The following ZNF527 variants were observed in gnomAD, a reference collection of about 807,000 sequenced individuals.
ZNF527 encodes the protein zinc finger protein 527.
A neutral mutation model predicts 13.5 loss-of-function variants in ZNF527; 5 were observed. The ratio of observed to expected loss-of-function variants is 0.37; its 90% CI spans 0.19 to 0.78. The LOEUF (loss-of-function observed/expected upper bound fraction) is 0.78, where lower values mean the gene tolerates loss of function less well. Ranked by LOEUF, ZNF527 falls within the 30% of genes least tolerant of loss-of-function variation. The pLI is 0.48. For synonymous variants in ZNF527, 209 were observed against 243.1 expected, an observed-to-expected ratio of 0.86 and a Z score of 1.30; for missense variants, 628 against 726.4, an observed-to-expected ratio of 0.86 and a Z score of 1.56.
At chr19:37,379,488 G>A (rs990013614) in intron 3 of ZNF527, 10 of 228,886 alleles carry the variant, frequency 4.4e-5, no homozygotes, top group Non-Finnish European at 7.0e-5. Flanking sequence ...TTGAGACAGA[G>A]TCTTGCTCTT....
intron 4 of ZNF527, among the ~76,000 whole-genome samples, chr19:37,383,599 C>T (rs1038376571): frequency 5.4e-5 from 8 of 149,382 alleles, no homozygotes; most frequent in African/African-American, 5.0e-5. Context: ...AGTGCAGTGG[C>T]GCAATCTTGG....
chr19:37,379,059 T>C (rs1170653519), intron 2 of ZNF527, 61 bp from the exon 3 acceptor site: 2 of 1,601,194 alleles, frequency 1.2e-6, no homozygotes, highest in East Asian at 2.2e-5. Context: ...CAAATTCATC[T>C]TTTTTGCTAG....
chr19:37,389,603 A>C lies in ZNF527; in HGVS notation c.1554A>C (p.Arg518Ser). ...SDALVLIHHK[R>S]SHAGEKPYEC... ...CTTTAGTTCTAATTCACCATAAGAG[A>C]AGTCATGCAGGAGAGAAACCCTATG... Residue 518 changes from arginine (R) to serine (S), a missense_variant, in exon 5 of 5, where the codon AGA (arginine) becomes AGC (serine). By Grantham distance (110) the Arg-to-Ser change is moderately radical (BLOSUM62 -1). Coordinates refer to ENST00000436120, the MANE Select transcript of ZNF527 (RefSeq NM_032453.2). 6.2e-7 allele frequency: 1 copy of C among 1,614,080 alleles called. No homozygotes were observed. Among genetic ancestry groups the C allele is most frequent in the Non-Finnish European group, 8.5e-7 (1 of 1,180,026 alleles).
At position 37,389,794 on chromosome 19, in the gene ZNF527, A is replaced by G. The variant is rs2040737098; in HGVS notation, c.1745A>G (p.Tyr582Cys). Reference protein sequence around the residue: ...HQRIHAGEKPYKCNECGNNFS... With the variant: ...HQRIHAGEKPCKCNECGNNFS... ...AGAATTCACGCTGGAGAAAAACCTT[A>G]TAAATGTAACGAATGTGGGAATAAT... The change falls in exon 5 of 5, where the codon TAT becomes TGT. Residue 582 changes from tyrosine (Y) to cysteine (C), a missense_variant. This residue lies in a region of ZNF527 where 592 missense variants were observed against 678.0 expected (regional missense o/e 0.87). Transcript: ENST00000436120. 6.2e-7 allele frequency: 1 copy of G among 1,613,374 alleles called. No homozygotes were observed. Among genetic ancestry groups the G allele is most frequent in the Non-Finnish European group, 8.5e-7 (1 of 1,180,004 alleles).
In ZNF527 at chr19:37,390,519, A is replaced by G. The variant is rs1329572893; in HGVS notation, c.*640A>G. On this transcript the variant is annotated 3_prime_UTR_variant, in exon 5 of 5. Coordinates refer to ENST00000436120, the MANE Select transcript of ZNF527 (RefSeq NM_032453.2). Reference sequence around the variant, plus strand: ...AATGAAGTCCTTTGCGGGTATTCCTATGGGCAGTAAGAGAGGTTTTATTCT... The same window carrying G: ...AATGAAGTCCTTTGCGGGTATTCCTGTGGGCAGTAAGAGAGGTTTTATTCT... 6.6e-6 allele frequency: 1 copy of G among 152,204 alleles called. No homozygotes were observed. Among genetic ancestry groups the G allele is most frequent in the African/African-American group, 2.4e-5 (1 of 41,452 alleles). 9.4% of individuals were successfully genotyped at this position (152,204 alleles called of 1,614,324 possible). A position where few individuals can be genotyped will look rare whatever the true frequency, so the allele number is the denominator to read the frequency against.
Position 37,389,712 on chromosome 19 carries a change from G to A in ZNF527, c.1663G>A (p.Glu555Lys), listed in dbSNP as rs756114926. The A allele has an allele frequency of 3.0e-5, 48 of 1,613,686 alleles. No individual in the cohort carries two copies. The highest frequency in any genetic ancestry group is 1.6e-4 in the Middle Eastern group (1 of 6,084). ...QRIHTGEKPY[E>K]CSECGKAFHQ... ...AATTCATACTGGAGAGAAACCCTAT[G>A]AATGTAGTGAATGTGGGAAGGCTTT... The change falls in exon 5 of 5, where the codon GAA becomes AAA. Residue 555 changes from glutamate to lysine, a missense_variant. Coordinates refer to ENST00000436120, the MANE Select transcript of ZNF527 (RefSeq NM_032453.2).
Position 37,388,607 on chromosome 19 carries a change from CA to C in ZNF527, c.559del (p.Ile187TyrfsTer20). The C allele has an allele frequency of 6.2e-7, 1 of 1,614,028 alleles. No individual in the cohort carries two copies. The highest frequency in any genetic ancestry group is 8.5e-7 in the Non-Finnish European group (1 of 1,179,948). ...VFLTQQKVPT[I>X]QQVHKFDIYD... ...TTTTAACACAACAGAAAGTTCCTAC[CA>C]TACAGCAAGTACATAAATTTGATAT... On this transcript the variant is annotated frameshift_variant, in exon 5 of 5. Transcript: ENST00000436120. LOFTEE classifies it low-confidence loss of function (END_TRUNC).
At chr19:37,382,863 C>G (rs575795631) in intron 4 of ZNF527, among the ~76,000 whole-genome samples, 1 of 152,098 alleles carries the variant, frequency 6.6e-6, no homozygotes, top group Non-Finnish European at 1.5e-5. Context: ...CATGCCACCA[C>G]GCCTGGCTAA....
intron 2 of ZNF527, among the ~76,000 whole-genome samples, chr19:37,376,982 T>C (rs1228126415): frequency 2.0e-5 from 3 of 152,228 alleles, no homozygotes; most frequent in Non-Finnish European, 4.4e-5. Flanking sequence ...TTGTGACTAC[T>C]GGAAAATTTC....
In ZNF527 at chr19:37,379,460, C is replaced by CTTT. The variant is rs34967980; in HGVS notation, c.160+231_160+233dup. The CTTT allele has an allele frequency of 1.8e-3, 294 of 161,034 alleles. 3 individuals are homozygous for CTTT. Among genetic ancestry groups the CTTT allele is most frequent in the Middle Eastern group, 5.1e-3 (2 of 390 alleles). 10.0% of individuals were successfully genotyped at this position (161,034 alleles called of 1,614,324 possible). The stretch of plus-strand genomic sequence containing the variant: ...ACATTCTGAACACATGAAGTAATTT[C>CTTT]TTTTTTTTTTTTTTTTTTTGAGACA... On this transcript the variant is annotated intron_variant, in intron 3 of 4. Coordinates refer to ENST00000436120, the MANE Select transcript of ZNF527 (RefSeq NM_032453.2).
intron 3 of ZNF527, chr19:37,380,048 G>C (rs2040640438): frequency 3.0e-6 from 2 of 670,828 alleles, no homozygotes; most frequent in South Asian, 2.6e-5. Context: ...TAGTTCCTAG[G>C]TGATGGCTGC....
intron 2 of ZNF527, among the ~76,000 whole-genome samples, chr19:37,374,467 A>G (rs976411017): frequency 1.3e-5 from 2 of 152,228 alleles, no homozygotes; most frequent in African/African-American, 4.8e-5. Flanking sequence ...TGAGTCGGCA[A>G]TGAGTGCAAG....
In ZNF527 at chr19:37,391,017, T is replaced by C. The variant is rs1218046083; in HGVS notation, c.*1138T>C. The C allele has an allele frequency of 6.6e-6, 1 of 152,228 alleles. No individual in the cohort carries two copies. The highest frequency in any genetic ancestry group is 6.5e-5 in the Admixed American group (1 of 15,286). 9.4% of individuals were successfully genotyped at this position (152,228 alleles called of 1,614,324 possible). A position where few individuals can be genotyped will look rare whatever the true frequency, so the allele number is the denominator to read the frequency against. ...TAGTTTTTTTCACATTATGGCTGAA[T>C]ATTTTAAAATTCACCAAGTAAAATT... On this transcript the variant is annotated 3_prime_UTR_variant, in exon 5 of 5. Transcript: ENST00000436120.
chr19:37,384,384 A>G (rs899558545), intron 4 of ZNF527, among the ~76,000 whole-genome samples: 9 of 152,084 alleles, frequency 5.9e-5, no homozygotes, highest in African/African-American at 2.2e-4. Flanking sequence ...TATTATTCCA[A>G]CTACTTAGGA....
intron 1 of ZNF527, among the ~76,000 whole-genome samples, chr19:37,371,913 A>G (rs1307902338): frequency 6.6e-6 from 1 of 152,018 alleles, no homozygotes; most frequent in Non-Finnish European, 1.5e-5. Context: ...AAGCACAGAA[A>G]TATTAGAATT....
intron 1 of ZNF527, among the ~76,000 whole-genome samples, chr19:37,373,023 T>G (rs1233158023): frequency 6.6e-6 from 1 of 152,240 alleles, no homozygotes; most frequent in Non-Finnish European, 1.5e-5. Context: ...GAGGACTGGT[T>G]TTGAGGTCAC....
intron 2 of ZNF527, among the ~76,000 whole-genome samples, chr19:37,376,124 A>T (rs2040605562): frequency 6.6e-6 from 1 of 152,092 alleles, no homozygotes; most frequent in South Asian, 2.1e-4. Flanking sequence ...TGAGCCCAGG[A>T]GTTCAAGACC....
rs1037026650 is a variant in ZNF527 at position 37,392,072 on chromosome 19, C to T, written c.*2193C>T. 1.3e-5 allele frequency: 2 copies of T among 152,068 alleles called. No homozygotes were observed. Among genetic ancestry groups the T allele is most frequent in the African/African-American group, 4.8e-5 (2 of 41,416 alleles). 9.4% of individuals were successfully genotyped at this position (152,068 alleles called of 1,614,324 possible). On this transcript the variant is annotated 3_prime_UTR_variant, in exon 5 of 5. Transcript: ENST00000436120. ...CATAAATATTCAAATTCCCTTTAAA[C>T]AGCTTAAAATACAGATTTAGTGACT...
chr19:37,386,768 A>G (rs1390883658), intron 4 of ZNF527, among the ~76,000 whole-genome samples: 3 of 152,290 alleles, frequency 2.0e-5, no homozygotes, highest in Admixed American at 2.0e-4. Flanking sequence ...TTTATTCAGC[A>G]TTAAGTTAGT....
Sources: gnomAD v4.1 joint callset for allele counts (sites outside exome capture counted in the v4.1 genomes callset) on GRCh38, gnomAD v4.1.1 for gene constraint, gnomAD v4.1.1 regional missense constraint, MANE v1.5 for transcripts, NCBI Gene and HGNC (gene_info 2026-07-23, HGNC 2026-07-21) for gene names.